Variants in TBCD observed in about 807,000 individuals in gnomAD.
TBCD encodes tubulin folding cofactor D.
A neutral mutation model predicts 169.3 loss-of-function variants in TBCD; 105 were observed. That is an observed-to-expected ratio of 0.62 (90% CI 0.53 to 0.73). The LOEUF is 0.73. Among genes scored for constraint, TBCD ranks in the 30% least tolerant of loss-of-function variants. The probability of loss-of-function intolerance (pLI) is 0.00; values close to 1 mark genes in which losing one functional copy is unlikely to be tolerated. For synonymous variants in TBCD, 700 were observed against 643.9 expected (o/e 1.09, Z -1.32); for missense variants, 1,444 against 1,600.1 (o/e 0.90, Z 1.66).
At chr17:82,912,600 G>T (rs907668306) in intron 23 of TBCD, among the ~76,000 whole-genome samples, 1 of 145,478 alleles carries the variant, frequency 6.9e-6, no homozygotes, top group East Asian at 2.0e-4. Flanking sequence ...AGGCACAGCT[G>T]GTGAGGAAGC....
rs767347084 is a variant in TBCD, at chr17:82,938,103, G to T, written c.3336G>T (p.Gln1112His). ...ACGTGAGGAGGCAGGCCCTCCTGCA[G>T]CTGTGTCTGCTCCTCTGCCACCGTT... Reference protein sequence around the residue: ...PGDVRRQALLQLCLLLCHRFP... With the variant: ...PGDVRRQALLHLCLLLCHRFP... Residue 1112 changes from glutamine to histidine, a missense_variant, in exon 36 of 39, where the codon CAG (glutamine) becomes CAT (histidine). Coordinates refer to ENST00000355528, the MANE Select transcript of TBCD (RefSeq NM_005993.5). 6.2e-7 allele frequency: 1 copy of T among 1,612,798 alleles called. No individual in the cohort carries two copies. The highest frequency in any genetic ancestry group is 1.1e-5 in the South Asian group (1 of 91,052).
At position 82,903,422 on chromosome 17, in the gene TBCD, C is replaced by T; in HGVS notation, c.1748C>T (p.Ala583Val). Residue 583 changes from alanine to valine, a missense_variant, in exon 19 of 39, where the codon GCT (alanine) becomes GTT (valine). Ala to Val is a moderately conservative substitution (Grantham distance 64). Transcript: ENST00000355528. This position sits in a 1 kb window ranked among gnomAD's most constrained non-coding sequence, Gnocchi z 4.8. ...ACTCTCAGGGTCATCCGAGAGTTGG[C>T]TGCGAGGGCGCTGCACAACCTGGCC... Reference protein sequence around the residue: ...SHWDGVIRELAARALHNLAQQ... With the variant: ...SHWDGVIRELVARALHNLAQQ... 1 of 1,603,816 alleles carries T rather than the reference C, an allele frequency of 6.2e-7. No individual in the cohort carries two copies. Among genetic ancestry groups the T allele is most frequent in the East Asian group, 2.2e-5 (1 of 44,454 alleles).
chr17:82,890,524 A>G lies in TBCD; in HGVS notation c.1563+827A>G, dbSNP rs2059055499. 6.6e-6 allele frequency among the ~76,000 whole-genome samples: 1 copy of G among 152,184 alleles called. No homozygotes were observed. Among genetic ancestry groups the G allele is most frequent in the Admixed American group, 6.5e-5 (1 of 15,290 alleles). On this transcript the variant is annotated intron_variant, in intron 16 of 38. Transcript: ENST00000355528. This position sits in a 1 kb window ranked among gnomAD's most constrained non-coding sequence, Gnocchi z 5.3. ...TGTCTGACCTGGAGTGGAAGCATTG[A>G]GGCCAAATGAGTCCACAGGAAAAGC...
At chr17:82,879,375 A>G (rs888010917) in intron 14 of TBCD, among the ~76,000 whole-genome samples, 2 of 151,620 alleles carry the variant, frequency 1.3e-5, no homozygotes, top group African/African-American at 4.8e-5. Flanking sequence ...ACTGTGTAGC[A>G]CGCTCTGCTG....
At chr17:82,902,896 T>C (rs1275916165) in intron 18 of TBCD, among the ~76,000 whole-genome samples, 1 of 152,108 alleles carries the variant, frequency 6.6e-6, no homozygotes, top group Non-Finnish European at 1.5e-5. Flanking sequence ...AGGGGTGGGC[T>C]CAGGAGGGGC....
intron 17 of TBCD, among the ~76,000 whole-genome samples, chr17:82,898,510 AGT>A (rs927648946): frequency 2.0e-5 from 3 of 152,144 alleles, no homozygotes; most frequent in Admixed American, 2.0e-4. Context: ...AAGTGGTTGA[AGT>A]GTGTGTGTAT....
chr17:82,761,963 G>A (rs941390693), intron 2 of TBCD, among the ~76,000 whole-genome samples: 1 of 150,698 alleles, frequency 6.6e-6, no homozygotes, highest in Non-Finnish European at 1.5e-5. Context: ...TCCTGACCTC[G>A]TGATCCGCCC....
chr17:82,774,167 C>G (rs895432722), intron 6 of TBCD, among the ~76,000 whole-genome samples: 1 of 151,576 alleles, frequency 6.6e-6, no homozygotes, highest in Non-Finnish European at 1.5e-5. Context: ...GAACAAAGGT[C>G]TCTGGTTTTC....
chr17:82,889,636 C>A lies in TBCD; in HGVS notation c.1534-32C>A. The A allele has an allele frequency of 6.2e-7, 1 of 1,613,844 alleles. No homozygotes were observed. ...CTGGTGTTGGCGGAAGCTGACCTCG[C>A]TCACCTGCTGTGTTTGTTCTTTGCT... is the stretch of plus-strand genomic sequence containing the variant. On this transcript the variant is annotated intron_variant, in intron 15 of 38. Coordinates refer to ENST00000355528, the MANE Select transcript of TBCD (RefSeq NM_005993.5). This position sits in a 1 kb window ranked among gnomAD's most constrained non-coding sequence, Gnocchi z 5.3.
chr17:82,817,050 G>GT (rs1035615334), intron 13 of TBCD, among the ~76,000 whole-genome samples: 22 of 152,268 alleles, frequency 1.4e-4, no homozygotes, highest in South Asian at 4.1e-4. Flanking sequence ...GTAAGTAAGA[G>GT]TTTTTTTATG....
Position 82,905,958 on chromosome 17 carries a change from G to T in TBCD, c.1827G>T (p.Met609Ile). The T allele has an allele frequency of 6.2e-7, 1 of 1,612,942 alleles. No individual in the cohort carries two copies. Among genetic ancestry groups the T allele is most frequent in the South Asian group, 1.1e-5 (1 of 90,688 alleles). The change falls in exon 20 of 39, where the codon ATG (methionine) becomes ATT (isoleucine). Residue 609 changes from methionine to isoleucine, a missense_variant. Physicochemically the swap from Met to Ile is conservative, Grantham distance 10 (BLOSUM62 1). Transcript: ENST00000355528. ...CAGTCTTCCCGAGGCTGCTGTCCAT[G>T]ACACTGAGTCCAGATCTTCACATGA... ...ATQVFPRLLSMTLSPDLHMRH... is the reference protein window; with the variant it reads ...ATQVFPRLLSITLSPDLHMRH...
intron 13 of TBCD, among the ~76,000 whole-genome samples, chr17:82,857,154 C>T (rs2056381817): frequency 6.6e-6 from 1 of 152,218 alleles, no homozygotes; most frequent in Non-Finnish European, 1.5e-5. Flanking sequence ...TTATAATCAG[C>T]CTCGTAGGTG....
At chr17:82,912,068 A>G (rs916312791) in intron 23 of TBCD, among the ~76,000 whole-genome samples, 3 of 152,216 alleles carry the variant, frequency 2.0e-5, no homozygotes, top group Non-Finnish European at 4.4e-5. Context: ...CAGGAAGCAG[A>G]GGCAGCTGGG....
intron 2 of TBCD, among the ~76,000 whole-genome samples, chr17:82,763,612 G>A (rs1210865842): frequency 1.3e-5 from 2 of 152,062 alleles, no homozygotes; most frequent in African/African-American, 2.4e-5. Context: ...GTGGTGACGC[G>A]TGCCTGTAAT....
intron 13 of TBCD, among the ~76,000 whole-genome samples, chr17:82,817,637 G>T (rs538497649): frequency 2.0e-5 from 3 of 152,178 alleles, no homozygotes; most frequent in African/African-American, 7.2e-5. Context: ...GTAGAGATGG[G>T]GGTCTCACTA....
intron 23 of TBCD, chr17:82,918,865 T>A (rs1484027701): frequency 1.3e-5 from 2 of 152,240 alleles, no homozygotes; most frequent in African/African-American, 4.8e-5. Flanking sequence ...AGAGCAGTAC[T>A]CTGTTCAGAG....
intron 16 of TBCD, among the ~76,000 whole-genome samples, chr17:82,891,166 G>A (rs760684110): frequency 1.6e-4 from 25 of 152,240 alleles, no homozygotes; most frequent in Non-Finnish European, 2.6e-4. Flanking sequence ...AGGGAGCCAC[G>A]GGGCCCTGCA....
At chr17:82,861,208 A>G (rs1052448453) in intron 13 of TBCD, among the ~76,000 whole-genome samples, 5 of 151,690 alleles carry the variant, frequency 3.3e-5, no homozygotes, top group Non-Finnish European at 5.9e-5. Context: ...CCCGGTGGTC[A>G]GGGACCCACC....
chr17:82,792,376 T>C (rs778603472), intron 7 of TBCD, among the ~76,000 whole-genome samples: 6 of 151,594 alleles, frequency 4.0e-5, no homozygotes, highest in Non-Finnish European at 7.4e-5. Flanking sequence ...CACACACATA[T>C]ATGTGTATAT....
Sources: gnomAD v4.1 joint callset for allele counts (sites outside exome capture counted in the v4.1 genomes callset) on GRCh38, gnomAD v4.1.1 for gene constraint, Gnocchi (gnomAD v3.1) non-coding constraint, MANE v1.5 for transcripts, NCBI Gene and HGNC (gene_info 2026-07-23, HGNC 2026-07-21) for gene names.